Variants in GKAP1 observed in about 807,000 individuals in gnomAD.
The protein encoded by GKAP1 is G kinase-anchoring protein 1.
A neutral mutation model predicts 56.7 loss-of-function variants in GKAP1; 31 were observed. That is an observed-to-expected ratio of 0.55 (90% CI 0.41 to 0.74). The LOEUF is 0.74. Ranked by LOEUF, GKAP1 falls within the 30% of genes least tolerant of loss-of-function variation. The pLI is 0.00. For missense variants in GKAP1, 364 were observed against 402.3 expected, an observed-to-expected ratio of 0.90 and a Z score of 0.82; for synonymous variants, 151 against 138.6, an observed-to-expected ratio of 1.09 and a Z score of -0.63.
At position 83,768,902 on chromosome 9, in the gene GKAP1, A is replaced by G. The variant is rs748623696; in HGVS notation, c.654T>C (p.His218=). Residue 218 remains histidine, a synonymous_variant, in exon 8 of 13, where the codon CAT becomes CAC. Coordinates refer to ENST00000376371, the MANE Select transcript of GKAP1 (RefSeq NM_025211.4). ...TTCGTTTTTCTCTAATAAGAATTTT[A>G]TGAACATCATCTTCCAGTCTATTGA... is the stretch of plus-strand genomic sequence containing the variant. ...GFFNRLEDDV[H]KILIREKRRE... is the part of the protein sequence containing the mutation. 23 of 1,611,036 alleles carry G rather than the reference A, an allele frequency of 1.4e-5. No individual in the cohort carries two copies. Among genetic ancestry groups the G allele is most frequent in the Non-Finnish European group, 1.9e-5 (22 of 1,178,232 alleles).
At chr9:83,742,164 T>C (rs992309802) in intron 11 of GKAP1, 135 bp from the exon 12 acceptor site, 24 of 664,650 alleles carry the variant, frequency 3.6e-5, no homozygotes, top group Admixed American at 3.3e-4. Context: ...ATAATTTCCA[T>C]TTGGTATTGT....
intron 7 of GKAP1, among the ~76,000 whole-genome samples, chr9:83,778,773 G>A (rs1284638787): frequency 2.0e-5 from 3 of 151,136 alleles, no homozygotes; most frequent in African/African-American, 7.4e-5. Flanking sequence ...TAGTTGTAAG[G>A]GAAATAAATC....
chr9:83,742,502 C>T (rs202138208), intron 11 of GKAP1, 28 bp downstream of exon 11: 48 of 1,487,384 alleles, frequency 3.2e-5, no homozygotes, highest in Non-Finnish European at 4.4e-5. Flanking sequence ...TTAAGAAAAC[C>T]AGTCATGTAT....
intron 8 of GKAP1, among the ~76,000 whole-genome samples, chr9:83,754,441 A>C (rs10868054): frequency 6.6e-6 from 1 of 152,004 alleles, no homozygotes; most frequent in Admixed American, 6.5e-5. Context: ...CTAGGAGCTG[A>C]GTACACCATG....
intron 7 of GKAP1, among the ~76,000 whole-genome samples, chr9:83,779,062 C>T (rs1351325951): frequency 6.6e-6 from 1 of 151,844 alleles, no homozygotes; most frequent in Admixed American, 6.6e-5. Flanking sequence ...AGCAGGTACA[C>T]CATGTGTATC....
At chr9:83,744,250 A>G (rs2131225899) in intron 10 of GKAP1, among the ~76,000 whole-genome samples, 1 of 151,284 alleles carries the variant, frequency 6.6e-6, no homozygotes, top group East Asian at 1.9e-4. Context: ...TTTTGAAAAC[A>G]CAAATTTGTT....
At chr9:83,741,913 T>C in intron 12 of GKAP1, 39 bp downstream of exon 12, 4 of 1,255,050 alleles carry the variant, frequency 3.2e-6, no homozygotes, top group Non-Finnish European at 4.6e-6. Flanking sequence ...CCAAATGTAT[T>C]ATTTGTGATA....
chr9:83,767,363 ATTT>A (rs940113643), intron 8 of GKAP1, among the ~76,000 whole-genome samples: 1 of 145,032 alleles, frequency 6.9e-6, no homozygotes. Context: ...TCTGTCACAT[ATTT>A]TTTTTTTTTT....
In GKAP1 at chr9:83,784,784, C is replaced by A. The variant is rs903082491; in HGVS notation, c.493G>T (p.Asp165Tyr). 1 of 1,599,934 alleles carries A rather than the reference C, an allele frequency of 6.3e-7. No homozygotes were observed. The highest frequency in any genetic ancestry group is 1.3e-5 in the African/African-American group (1 of 74,462). The change falls in exon 6 of 13, where the codon GAT becomes TAT. Residue 165 changes from aspartate (D) to tyrosine (Y), a missense_variant. Physicochemically the swap from Asp to Tyr is radical, Grantham distance 160. Coordinates refer to ENST00000376371, the MANE Select transcript of GKAP1 (RefSeq NM_025211.4). ...TTTCCCTGATGATTCTTTCTTTTATCTTTTTTATTCATAACTTTGGACTGA... is the reference window on the plus strand; with the variant it reads ...TTTCCCTGATGATTCTTTCTTTTATATTTTTTATTCATAACTTTGGACTGA... ...STQSKVMNKK[D>Y]KRKNHQGKDR...
At chr9:83,815,603 T>C (rs1944572296) in intron 2 of GKAP1, among the ~76,000 whole-genome samples, 3 of 150,918 alleles carry the variant, frequency 2.0e-5, no homozygotes, top group Non-Finnish European at 4.4e-5. Context: ...CACACAATTA[T>C]ACATATAAAA....
At chr9:83,769,664 C>T (rs1477095358) in intron 7 of GKAP1, among the ~76,000 whole-genome samples, 3 of 152,164 alleles carry the variant, frequency 2.0e-5, no homozygotes, top group African/African-American at 4.8e-5. Context: ...TTGGCTATTA[C>T]GAATTGTGCT....
At chr9:83,764,324 C>T (rs985310306) in intron 8 of GKAP1, among the ~76,000 whole-genome samples, 2 of 152,112 alleles carry the variant, frequency 1.3e-5, no homozygotes, top group Non-Finnish European at 2.9e-5. Context: ...TCCTAAGGGG[C>T]TTCCACTCTT....
intron 8 of GKAP1, among the ~76,000 whole-genome samples, chr9:83,753,904 T>C (rs1284355993): frequency 6.6e-6 from 1 of 152,136 alleles, no homozygotes; most frequent in African/African-American, 2.4e-5. Context: ...TGTTTGTAAA[T>C]AGGAAGGCTA....
At position 83,806,396 on chromosome 9, in the gene GKAP1, T is replaced by C. The variant is rs1339683668; in HGVS notation, c.122A>G (p.Lys41Arg). Reference sequence around the variant, plus strand: ...TGACTTGCTTCCTAAAGTTTGAGACTTTCCAGTATTTCGACCTTTACCTTT... The same window carrying C: ...TGACTTGCTTCCTAAAGTTTGAGACCTTCCAGTATTTCGACCTTTACCTTT... ...PGKGKGRNTG[K>R]SQTLGSKSTT... Residue 41 changes from lysine to arginine, a missense_variant, in exon 3 of 13, where the codon AAG becomes AGG. By Grantham distance (26) the Lys-to-Arg change is conservative (BLOSUM62 2). Coordinates refer to ENST00000376371, the MANE Select transcript of GKAP1 (RefSeq NM_025211.4). 6.2e-7 allele frequency: 1 copy of C among 1,603,400 alleles called. No individual in the cohort carries two copies. Among genetic ancestry groups the C allele is most frequent in the South Asian group, 1.1e-5 (1 of 89,382 alleles).
chr9:83,761,563 T>C (rs552304741), intron 8 of GKAP1, among the ~76,000 whole-genome samples: 2 of 152,252 alleles, frequency 1.3e-5, no homozygotes, highest in African/African-American at 4.8e-5. Context: ...ACTCCTTCTA[T>C]GAGGCCAGTA....
intron 8 of GKAP1, among the ~76,000 whole-genome samples, chr9:83,760,003 G>A (rs1943542316): frequency 6.6e-6 from 1 of 151,930 alleles, no homozygotes; most frequent in South Asian, 2.1e-4. Flanking sequence ...TAATTAAACT[G>A]GTTTATACTT....
chr9:83,756,095 G>A lies in GKAP1; in HGVS notation c.739-2736C>T, dbSNP rs183422875. On this transcript the variant is annotated intron_variant, in intron 8 of 12. Transcript: ENST00000376371. ...GCTGGGATTACAAGCGTGACCCACC[G>A]CACCCAGCCAAACTGGTACATTAAA... 4.4e-3 allele frequency among the ~76,000 whole-genome samples: 667 copies of A among 151,636 alleles called. 2 individuals are homozygous for A. The highest frequency in any genetic ancestry group is 6.6e-3 in the Non-Finnish European group (448 of 67,902).
At chr9:83,796,281 A>G (rs1944246232) in intron 4 of GKAP1, among the ~76,000 whole-genome samples, 1 of 152,018 alleles carries the variant, frequency 6.6e-6, no homozygotes, top group South Asian at 2.1e-4. Flanking sequence ...TTTCAGGGAC[A>G]TTAATTATGC....
chr9:83,741,711 G>A (rs1248865640), intron 12 of GKAP1, among the ~76,000 whole-genome samples: 1 of 152,076 alleles, frequency 6.6e-6, no homozygotes, highest in African/African-American at 2.4e-5. Context: ...TCAATGGCAT[G>A]TATGCTGTAT....
Sources: gnomAD v4.1 joint callset for allele counts (sites outside exome capture counted in the v4.1 genomes callset) on GRCh38, gnomAD v4.1.1 for gene constraint, MANE v1.5 for transcripts, NCBI Gene and HGNC (gene_info 2026-07-23, HGNC 2026-07-21) for gene names.